Variants in SH3PXD2B observed in about 807,000 individuals in gnomAD.
SH3PXD2B encodes SH3 and PX domain-containing protein 2B.
In SH3PXD2B, 37 loss-of-function variants were observed where a neutral mutation model predicts 73.1. That is an observed-to-expected ratio of 0.51 (90% confidence interval 0.39 to 0.67). The LOEUF (loss-of-function observed/expected upper bound fraction) is 0.67, where lower values mean the gene tolerates loss of function less well. SH3PXD2B is among the 30% of genes least tolerant of loss of function. The pLI, the probability that SH3PXD2B is intolerant of heterozygous loss-of-function variation, is 0.00. For missense variants in SH3PXD2B, 1,053 were observed against 1,197.8 expected (o/e 0.88, Z 1.78); for synonymous variants, 457 against 480.5 (o/e 0.95, Z 0.64).
chr5:172,417,037 C>G (rs570974853), intron 2 of SH3PXD2B, among the ~76,000 whole-genome samples: 1 of 152,200 alleles, frequency 6.6e-6, no homozygotes, highest in South Asian at 2.1e-4. Context: ...CACAAGGGAG[C>G]CTGGGTCATG....
chr5:172,361,081 T>A (rs1757393261), intron 7 of SH3PXD2B, among the ~76,000 whole-genome samples: 1 of 152,128 alleles, frequency 6.6e-6, no homozygotes, highest in East Asian at 1.9e-4. Context: ...ATTGGGTTTT[T>A]AAAAAACCCA....
At chr5:172,342,794 G>T (rs1756889464) in intron 12 of SH3PXD2B, among the ~76,000 whole-genome samples, 1 of 152,118 alleles carries the variant, frequency 6.6e-6, no homozygotes, top group African/African-American at 2.4e-5. Context: ...GAGAAGGGCT[G>T]TGTCCGGGGT....
Position 172,366,927 on chromosome 5 carries a change from C to T in SH3PXD2B, c.428-4058G>A, listed in dbSNP as rs1188708621. ...GATTATAGGTGTGAGCCATCGTGCC[C>T]GGCCATTTTTTTTTTTTTTTTTTTT... On this transcript the variant is annotated intron_variant, in intron 6 of 12. Coordinates refer to ENST00000311601, the MANE Select transcript of SH3PXD2B (RefSeq NM_001017995.3). Among the ~76,000 whole-genome samples, 4 of 96,326 alleles carry T rather than the reference C, an allele frequency of 4.2e-5. No homozygotes were observed. The South Asian group carries it at 1.3e-3, about 31-fold the overall frequency. The allele number at this position is 96,326 out of a possible 152,430, so 63.2% of individuals were successfully genotyped here. A position where few individuals can be genotyped will look rare whatever the true frequency, so the allele number is the denominator to read the frequency against.
At chr5:172,366,125 G>T (rs1021011726) in intron 6 of SH3PXD2B, among the ~76,000 whole-genome samples, 1 of 152,190 alleles carries the variant, frequency 6.6e-6, no homozygotes, top group Non-Finnish European at 1.5e-5. Context: ...GCAGGCAGTC[G>T]TTGGCTGGTG....
At chr5:172,430,723 A>C (rs1759215843) in intron 1 of SH3PXD2B, among the ~76,000 whole-genome samples, 1 of 152,232 alleles carries the variant, frequency 6.6e-6, no homozygotes, top group South Asian at 2.1e-4. Flanking sequence ...CCTGGGCCAG[A>C]ATAACCCTCT....
intron 1 of SH3PXD2B, among the ~76,000 whole-genome samples, chr5:172,451,579 TAGC>T (rs1396880531): frequency 3.9e-5 from 6 of 152,138 alleles, no homozygotes; most frequent in Non-Finnish European, 7.4e-5. Context: ...TTGAGGGATG[TAGC>T]AGTATTTACA....
At chr5:172,382,455 G>A (rs1194906453) in intron 4 of SH3PXD2B, among the ~76,000 whole-genome samples, 2 of 152,080 alleles carry the variant, frequency 1.3e-5, no homozygotes, top group African/African-American at 2.4e-5. Flanking sequence ...AACACAGATC[G>A]TGGAGCCCCA....
chr5:172,393,891 T>C (rs1758240142), intron 4 of SH3PXD2B, among the ~76,000 whole-genome samples: 1 of 152,096 alleles, frequency 6.6e-6, no homozygotes, highest in Non-Finnish European at 1.5e-5. Flanking sequence ...CTAAATAACT[T>C]TGGAAGCATG....
intron 2 of SH3PXD2B, among the ~76,000 whole-genome samples, chr5:172,413,060 G>A (rs1216494307): frequency 6.6e-6 from 1 of 152,236 alleles, no homozygotes; most frequent in Non-Finnish European, 1.5e-5. Flanking sequence ...CGTGGTTTGC[G>A]TTAGCAGCAG....
At chr5:172,423,106 G>C (rs1759009575) in intron 1 of SH3PXD2B, among the ~76,000 whole-genome samples, 1 of 152,172 alleles carries the variant, frequency 6.6e-6, no homozygotes, top group African/African-American at 2.4e-5. Flanking sequence ...AGTGGGCTGT[G>C]CTTCCAACCT....
At chr5:172,346,317 G>A in intron 11 of SH3PXD2B, 56 bp from the exon 12 acceptor site, 1 of 1,610,704 alleles carries the variant, frequency 6.2e-7, no homozygotes, top group South Asian at 1.1e-5. Context: ...CTGCGACCCT[G>A]TGTCAGGGGG....
At chr5:172,387,269 T>C (rs1314428027) in intron 4 of SH3PXD2B, among the ~76,000 whole-genome samples, 1 of 152,214 alleles carries the variant, frequency 6.6e-6, no homozygotes, top group Non-Finnish European at 1.5e-5. Context: ...TGAAGTCCCC[T>C]CATTGAGAAT....
At chr5:172,418,486 C>A (rs1758877392) in intron 2 of SH3PXD2B, among the ~76,000 whole-genome samples, 1 of 152,212 alleles carries the variant, frequency 6.6e-6, no homozygotes, top group African/African-American at 2.4e-5. Context: ...GCTCTCCCCA[C>A]GCTGTTTGGG....
chr5:172,391,086 C>T (rs1277614260), intron 4 of SH3PXD2B, among the ~76,000 whole-genome samples: 1 of 152,064 alleles, frequency 6.6e-6, no homozygotes, highest in Non-Finnish European at 1.5e-5. Context: ...GGTGATCCAC[C>T]CGCCTCAGCC....
rs1368087268 is a variant in SH3PXD2B, at chr5:172,348,688, T to TATCTATCTATCC, written c.1013-1357_1013-1356insGGATAGATAGAT. On this transcript the variant is annotated intron_variant, in intron 10 of 12. Transcript: ENST00000311601. ...CTATCTATCTATCTATCTATCTATC[T>TATCTATCTATCC]ATCTATCTATCTATCTATCTATTTA... 2.3e-4 allele frequency among the ~76,000 whole-genome samples: 9 copies of TATCTATCTATCC among 39,890 alleles called. No homozygotes were observed. The East Asian group carries it at 0.018, about 79-fold the overall frequency. The allele number at this position is 39,890 out of a possible 152,430, so 26.2% of individuals were successfully genotyped here.
At chr5:172,413,523 A>C (rs1758750843) in intron 2 of SH3PXD2B, among the ~76,000 whole-genome samples, 1 of 152,224 alleles carries the variant, frequency 6.6e-6, no homozygotes, top group South Asian at 2.1e-4. Context: ...ATTTGTGCAA[A>C]GAACAAATGA....
chr5:172,425,625 C>T lies in SH3PXD2B; in HGVS notation c.76-3129G>A, dbSNP rs572636530. On this transcript the variant is annotated intron_variant, in intron 1 of 12. Coordinates refer to ENST00000311601, the MANE Select transcript of SH3PXD2B (RefSeq NM_001017995.3). ...AGTGCTGCGGGAGGAAGGGGCTGAG[C>T]GGGGGAGGAGGCAGCAGCTGATGAC... Among the ~76,000 whole-genome samples, 90 of 150,308 alleles carry T rather than the reference C, an allele frequency of 6.0e-4. 1 individual carries two copies. Among genetic ancestry groups the T allele is most frequent in the South Asian group, 5.5e-3 (26 of 4,726 alleles).
downstream of SH3PXD2B, chr5:172,333,472 C>T: frequency 8.8e-7 from 1 of 1,142,582 alleles, no homozygotes; most frequent in African/African-American, 1.7e-5. Context: ...CTTTCTCCTG[C>T]CAAATAAAAT....
chr5:172,335,061 C>T lies in SH3PXD2B; in HGVS notation c.*3308G>A. ...CCGCAGTCTCAGCTGGGACGACATACACCCACCAATGGCAAAGAAAGATTC... is the reference window on the plus strand; with the variant it reads ...CCGCAGTCTCAGCTGGGACGACATATACCCACCAATGGCAAAGAAAGATTC... On this transcript the variant is annotated 3_prime_UTR_variant, in exon 13 of 13. Transcript: ENST00000311601. 3.0e-6 allele frequency: 3 copies of T among 985,520 alleles called. No homozygotes were observed. Among genetic ancestry groups the T allele is most frequent in the Non-Finnish European group, 3.6e-6 (3 of 829,990 alleles). The allele number at this position is 985,520 out of a possible 1,614,324, so 61.0% of individuals were successfully genotyped here.
Sources: allele counts gnomAD v4.1 joint callset (sites outside exome capture counted in the v4.1 genomes callset), GRCh38; gene constraint gnomAD v4.1.1; transcripts MANE v1.5; gene names NCBI Gene and HGNC (gene_info 2026-07-23, HGNC 2026-07-21).